ZNF423: variants seen among roughly 807,000 people sequenced by gnomAD.
The protein encoded by ZNF423 is Ebf-associated zinc finger protein.
In ZNF423, 12 loss-of-function variants were observed where a neutral mutation model predicts 95.8. The observed-to-expected ratio is 0.13, with a 90% CI of 0.08 to 0.20. The LOEUF is 0.20. Ranked by LOEUF, ZNF423 falls within the 10% of genes least tolerant of loss-of-function variation. The pLI, the probability that ZNF423 is intolerant of heterozygous loss-of-function variation, is 1.00. For missense variants in ZNF423, 1,316 were observed against 1,737.1 expected (o/e 0.76, Z 4.31); for synonymous variants, 749 against 711.9 (o/e 1.05, Z -0.83).
intron 2 of ZNF423, among the ~76,000 whole-genome samples, chr16:49,739,090 G>A (rs1275024624): frequency 6.6e-6 from 1 of 152,106 alleles, no homozygotes; most frequent in Admixed American, 6.5e-5. Flanking sequence ...GCCTGTCTGG[G>A]TTCAAATCCA....
chr16:49,669,424 C>T (rs1436905202), intron 3 of ZNF423, among the ~76,000 whole-genome samples: 1 of 152,224 alleles, frequency 6.6e-6, no homozygotes, highest in Non-Finnish European at 1.5e-5. Context: ...CCACCATCCC[C>T]AATGAGTGGG....
At chr16:49,731,123 GT>G (rs1179070659) in intron 2 of ZNF423, 152 bp from the exon 3 acceptor site, 19 of 978,082 alleles carry the variant, frequency 1.9e-5, no homozygotes, top group South Asian at 8.6e-5. Context: ...AATAGATGGG[GT>G]TTTTTTGTAG....
intron 1 of ZNF423, among the ~76,000 whole-genome samples, chr16:49,793,453 G>C (rs1030547194): frequency 6.6e-6 from 1 of 152,220 alleles, no homozygotes; most frequent in African/African-American, 2.4e-5. Flanking sequence ...CTACTTGGCC[G>C]GCCCGCGGCG....
At chr16:49,847,675 T>C (rs775220242) in intron 1 of ZNF423, 1 of 148,696 alleles carries the variant, frequency 6.7e-6, no homozygotes, top group African/African-American at 2.5e-5. Context: ...TTCTCATTCT[T>C]ACCCTGGAAA....
intron 1 of ZNF423, among the ~76,000 whole-genome samples, chr16:49,813,090 C>T (rs2143969997): frequency 6.6e-6 from 1 of 152,208 alleles, no homozygotes; most frequent in South Asian, 2.1e-4. Flanking sequence ...TAGTTGTAGC[C>T]CTACTAGGCG....
intron 1 of ZNF423, among the ~76,000 whole-genome samples, chr16:49,815,394 C>T (rs1263192917): frequency 1.3e-5 from 2 of 152,094 alleles, no homozygotes; most frequent in African/African-American, 4.8e-5. Flanking sequence ...AGGCACAGAC[C>T]TCATTCACAA....
At position 49,490,346 on chromosome 16, in the gene ZNF423, C is replaced by T. The variant is rs1966910681; in HGVS notation, c.*929G>A. On this transcript the variant is annotated 3_prime_UTR_variant, in exon 8 of 8. Coordinates refer to ENST00000563137, the MANE Select transcript of ZNF423 (RefSeq NM_001379286.1). ...GCACGTTACCCTTGGGCCTCTGTTT[C>T]CCCATCCAAGAGTGGGAAGATCAGG... 6.6e-6 allele frequency: 1 copy of T among 152,260 alleles called. No homozygotes were observed. The highest frequency in any genetic ancestry group is 2.1e-4 in the South Asian group (1 of 4,830). 9.4% of individuals were successfully genotyped at this position (152,260 alleles called of 1,614,324 possible). A position where few individuals can be genotyped will look rare whatever the true frequency, so the allele number is the denominator to read the frequency against.
In ZNF423 at chr16:49,491,098, T is replaced by C; in HGVS notation, c.*177A>G. Reference sequence around the variant, plus strand: ...AATACTGAGCATGGAATACTTTTAATCTCTGCCATTAATATTCATTTCCAG... The same window carrying C: ...AATACTGAGCATGGAATACTTTTAACCTCTGCCATTAATATTCATTTCCAG... On this transcript the variant is annotated 3_prime_UTR_variant, in exon 8 of 8. Transcript: ENST00000563137. The C allele has an allele frequency of 1.4e-6, 1 of 707,440 alleles. No individual in the cohort carries two copies. Among genetic ancestry groups the C allele is most frequent in the South Asian group, 1.7e-5 (1 of 59,362 alleles). The allele number at this position is 707,440 out of a possible 1,614,324, so 43.8% of individuals were successfully genotyped here. A position where few individuals can be genotyped will look rare whatever the true frequency, so the allele number is the denominator to read the frequency against.
chr16:49,760,598 G>T (rs1269729426), intron 2 of ZNF423, among the ~76,000 whole-genome samples: 1 of 152,062 alleles, frequency 6.6e-6, no homozygotes, highest in South Asian at 2.1e-4. Context: ...TGCCGCCAAG[G>T]ACCTCACCAT....
chr16:49,642,542 T>G (rs1596776322), intron 3 of ZNF423, among the ~76,000 whole-genome samples: 1 of 152,112 alleles, frequency 6.6e-6, no homozygotes, highest in African/African-American at 2.4e-5. Context: ...GAAATGAAAA[T>G]AAGGCTCCTT....
intron 3 of ZNF423, among the ~76,000 whole-genome samples, chr16:49,650,489 T>C (rs1973357995): frequency 6.6e-6 from 1 of 152,226 alleles, no homozygotes; most frequent in Non-Finnish European, 1.5e-5. Flanking sequence ...AATCCCATAA[T>C]CTACAGGGCA....
At chr16:49,748,700 C>T (rs986608604) in intron 2 of ZNF423, among the ~76,000 whole-genome samples, 5 of 152,160 alleles carry the variant, frequency 3.3e-5, no homozygotes, top group Admixed American at 3.3e-4. Flanking sequence ...TCCAGCGAAG[C>T]CCCTTTTCCG....
At chr16:49,833,092 A>G (rs1455584617) in intron 1 of ZNF423, among the ~76,000 whole-genome samples, 1 of 152,244 alleles carries the variant, frequency 6.6e-6, no homozygotes, top group Middle Eastern at 3.2e-3. Flanking sequence ...CTCCTCGCCC[A>G]GCCTTACCAG....
chr16:49,754,244 T>G (rs1311657457), intron 2 of ZNF423, among the ~76,000 whole-genome samples: 1 of 152,154 alleles, frequency 6.6e-6, no homozygotes, highest in Non-Finnish European at 1.5e-5. Context: ...CATTCATCAT[T>G]GCATTTATCA....
At chr16:49,641,452 A>T (rs1339016380) in intron 3 of ZNF423, among the ~76,000 whole-genome samples, 1 of 152,204 alleles carries the variant, frequency 6.6e-6, no homozygotes, top group East Asian at 1.9e-4. Flanking sequence ...ATCAGGGTTC[A>T]GAGAGACACA....
In ZNF423 at chr16:49,580,875, T is replaced by C. The variant is rs113152045; in HGVS notation, c.3601+45295A>G. ...TGTGGATCGTGAGAGCATAGAAACG[T>C]GGACTGTGACCAGAATACCAGAGTT... is the stretch of plus-strand genomic sequence containing the variant. On this transcript the variant is annotated intron_variant, in intron 5 of 7. Transcript: ENST00000563137. Among the ~76,000 whole-genome samples, 1,100 of 152,158 alleles carry C rather than the reference T, an allele frequency of 7.2e-3. 5 individuals carry two copies. The highest frequency in any genetic ancestry group is 0.01 in the Non-Finnish European group (711 of 67,998).
In ZNF423 at chr16:49,635,555, G is replaced by T; in HGVS notation, c.3516+105C>A. 1 of 1,437,196 alleles carries T rather than the reference G, an allele frequency of 7.0e-7. No individual in the cohort carries two copies. The highest frequency in any genetic ancestry group is 9.2e-7 in the Non-Finnish European group (1 of 1,081,260). The allele number at this position is 1,437,196 out of a possible 1,614,324, so 89.0% of individuals were successfully genotyped here. ...AGTTCTGTTTTGCCACTGCGCGATA[G>T]CGCCGCTTCTTGGAAACACGGCACT... On this transcript the variant is annotated intron_variant, in intron 4 of 7. Transcript: ENST00000563137. The surrounding 1 kb of genome is among the most constrained non-coding windows in gnomAD (Gnocchi z 4.8).
At chr16:49,536,338 T>C (rs1217290369) in intron 5 of ZNF423, among the ~76,000 whole-genome samples, 1 of 150,662 alleles carries the variant, frequency 6.6e-6, no homozygotes. Context: ...GACTAGAAAA[T>C]AATGACTGAC....
intron 5 of ZNF423, among the ~76,000 whole-genome samples, chr16:49,529,278 G>T (rs993002732): frequency 6.6e-6 from 1 of 151,728 alleles, no homozygotes; most frequent in Non-Finnish European, 1.5e-5. Context: ...CATAAGTCGA[G>T]GCTGGCACAA....
Sources: allele counts gnomAD v4.1 joint callset (sites outside exome capture counted in the v4.1 genomes callset), GRCh38; gene constraint gnomAD v4.1.1; non-coding constraint Gnocchi (gnomAD v3.1); transcripts MANE v1.5; gene names NCBI Gene and HGNC (gene_info 2026-07-23, HGNC 2026-07-21).